The following DPYD variants were observed in gnomAD, a reference collection of about 807,000 sequenced individuals.
DPYD encodes the protein dihydropyrimidine dehydrogenase [NADP(+)].
In DPYD, 109 loss-of-function variants were observed where a neutral mutation model predicts 116.2. That is an observed-to-expected ratio of 0.94 (90% CI 0.80 to 1.10). The LOEUF (loss-of-function observed/expected upper bound fraction) is 1.10, where lower values mean the gene tolerates loss of function less well. DPYD is among the 50% of genes least tolerant of loss of function. DPYD has a pLI of 0.00. For missense variants in DPYD, 1,302 were observed against 1,254.5 expected (o/e 1.04, Z -0.57); for synonymous variants, 440 against 432.0 (o/e 1.02, Z -0.23).
intron 1 of DPYD, among the ~76,000 whole-genome samples, chr1:97,886,595 C>T (rs945544483): frequency 1.3e-5 from 2 of 152,030 alleles, no homozygotes; most frequent in Admixed American, 6.6e-5. Flanking sequence ...GAGAAGTGGG[C>T]CATTGTCACT....
At chr1:97,297,446 TGTCA>T (rs1666602666) in intron 18 of DPYD, among the ~76,000 whole-genome samples, 1 of 152,200 alleles carries the variant, frequency 6.6e-6, no homozygotes, top group Admixed American at 6.6e-5. Context: ...GACATTTGTC[TGTCA>T]GAGAAGGTTT....
intron 1 of DPYD, chr1:97,883,963 C>A: frequency 8.6e-6 from 3 of 347,288 alleles, no homozygotes; most frequent in Admixed American, 8.0e-5. Flanking sequence ...AATCCTAATA[C>A]AATGAAAATT....
chr1:97,547,967 C>A (rs896319340), intron 12 of DPYD, among the ~76,000 whole-genome samples: 1 of 152,066 alleles, frequency 6.6e-6, no homozygotes, highest in Admixed American at 6.6e-5. Flanking sequence ...CAGGCCCTAC[C>A]TAGCAAATAA....
chr1:97,627,695 T>C (rs1410411196), intron 8 of DPYD, among the ~76,000 whole-genome samples: 2 of 152,074 alleles, frequency 1.3e-5, no homozygotes, highest in African/African-American at 2.4e-5. Flanking sequence ...AATACTGCTC[T>C]AAATAACACC....
chr1:97,324,925 G>T (rs1459070084), intron 16 of DPYD, among the ~76,000 whole-genome samples: 1 of 152,016 alleles, frequency 6.6e-6, no homozygotes, highest in Non-Finnish European at 1.5e-5. Context: ...ATTAAAATAT[G>T]ATCTCCCTTT....
chr1:97,225,812 C>T (rs1661116474), intron 19 of DPYD, among the ~76,000 whole-genome samples: 1 of 151,918 alleles, frequency 6.6e-6, no homozygotes, highest in Non-Finnish European at 1.5e-5. Context: ...AGGAGCTTTT[C>T]CCCTGTGTTT....
chr1:97,863,533 A>G (rs929970092), intron 2 of DPYD, among the ~76,000 whole-genome samples: 13 of 151,858 alleles, frequency 8.6e-5, no homozygotes, highest in African/African-American at 3.1e-4. Flanking sequence ...GAAAAAGATG[A>G]TTAAATATAT....
At chr1:97,558,097 A>G (rs1344309373) in intron 11 of DPYD, among the ~76,000 whole-genome samples, 1 of 152,210 alleles carries the variant, frequency 6.6e-6, no homozygotes, top group Non-Finnish European at 1.5e-5. Flanking sequence ...CAGGAACAGC[A>G]AAGAATTCTA....
At chr1:97,650,723 T>C (rs907261074) in intron 8 of DPYD, among the ~76,000 whole-genome samples, 3 of 152,078 alleles carry the variant, frequency 2.0e-5, no homozygotes, top group Non-Finnish European at 4.4e-5. Context: ...AACTCTAATA[T>C]AGATTATTCC....
intron 18 of DPYD, among the ~76,000 whole-genome samples, chr1:97,270,228 C>A (rs140769647): frequency 6.6e-6 from 1 of 152,050 alleles, no homozygotes; most frequent in Non-Finnish European, 1.5e-5. Flanking sequence ...CATAAACAAC[C>A]GGAGAATGGG....
chr1:97,650,815 C>G (rs1168064648), intron 8 of DPYD, among the ~76,000 whole-genome samples: 1 of 151,942 alleles, frequency 6.6e-6, no homozygotes, highest in Non-Finnish European at 1.5e-5. Context: ...TAAATCTTAT[C>G]TGTTTCCACA....
intron 2 of DPYD, among the ~76,000 whole-genome samples, chr1:97,843,787 T>C (rs1460165888): frequency 6.6e-6 from 1 of 152,218 alleles, no homozygotes; most frequent in Non-Finnish European, 1.5e-5. Flanking sequence ...TAGAGTTTAT[T>C]CTAAATATTT....
rs537165569 is a variant in DPYD at position 97,191,382 on chromosome 1, T to C, written c.2622+1687A>G. On this transcript the variant is annotated intron_variant, in intron 20 of 22. Coordinates refer to ENST00000370192, the MANE Select transcript of DPYD (RefSeq NM_000110.4). ...GAAGCACAAATCTATTACCAGACCA[T>C]CTGCTTATTCCTCAAGTTAGTGTTG... 2.0e-5 allele frequency among the ~76,000 whole-genome samples: 3 copies of C among 152,236 alleles called. No homozygotes were observed. In the East Asian group the frequency reaches 5.8e-4, roughly 29 times the overall value.
At position 97,382,481 on chromosome 1, in the gene DPYD, A is replaced by G. The variant is rs1264292298; in HGVS notation, c.1906-20T>C. 4 of 1,505,622 alleles carry G rather than the reference A, an allele frequency of 2.7e-6. No homozygotes were observed. The highest frequency in any genetic ancestry group is 1.4e-5 in the African/African-American group (1 of 72,560). 93.3% of individuals were successfully genotyped at this position (1,505,622 alleles called of 1,614,324 possible). A position where few individuals can be genotyped will look rare whatever the true frequency, so the allele number is the denominator to read the frequency against. On this transcript the variant is annotated intron_variant, in intron 14 of 22. Coordinates refer to ENST00000370192, the MANE Select transcript of DPYD (RefSeq NM_000110.4). ...CACAATCTTTAAAAAGAAAAACAAA[A>G]GAATATAAGTTCAAGTAGTTATCCA...
intron 16 of DPYD, among the ~76,000 whole-genome samples, chr1:97,338,310 G>A (rs1669408453): frequency 6.6e-6 from 1 of 152,292 alleles, no homozygotes; most frequent in Non-Finnish European, 1.5e-5. Flanking sequence ...AGATGCCAGG[G>A]TAAGTCAACA....
chr1:97,642,141 G>A (rs1657944147), intron 8 of DPYD, among the ~76,000 whole-genome samples: 1 of 152,088 alleles, frequency 6.6e-6, no homozygotes, highest in Non-Finnish European at 1.5e-5. Flanking sequence ...TCATGGAGAG[G>A]AAGAATCAAT....
chr1:97,437,988 T>C (rs1675560010), intron 14 of DPYD, among the ~76,000 whole-genome samples: 1 of 152,038 alleles, frequency 6.6e-6, no homozygotes, highest in Admixed American at 6.6e-5. Flanking sequence ...GACTATATTT[T>C]GTCCACTGAA....
chr1:97,725,585 C>T (rs1346738992), intron 4 of DPYD, among the ~76,000 whole-genome samples: 1 of 151,544 alleles, frequency 6.6e-6, no homozygotes, highest in Non-Finnish European at 1.5e-5. Context: ...ATGGTACTGA[C>T]ATGAGGATAA....
At chr1:97,409,178 G>C (rs897641567) in intron 14 of DPYD, among the ~76,000 whole-genome samples, 4 of 152,124 alleles carry the variant, frequency 2.6e-5, no homozygotes, top group African/African-American at 9.7e-5. Flanking sequence ...CATGGGTTTT[G>C]TAAAGATTAT....
Sources: gnomAD v4.1 joint callset for allele counts (sites outside exome capture counted in the v4.1 genomes callset) on GRCh38, gnomAD v4.1.1 for gene constraint, MANE v1.5 for transcripts, NCBI Gene and HGNC (gene_info 2026-07-23, HGNC 2026-07-21) for gene names.